CLVS1: variants seen among roughly 807,000 people sequenced by gnomAD.
CLVS1 encodes the protein clavesin 1, also known as clavesin-1.
A neutral mutation model predicts 33.1 loss-of-function variants in CLVS1; 10 were observed. The ratio of observed to expected loss-of-function variants is 0.30; its 90% CI spans 0.19 to 0.51. The LOEUF (loss-of-function observed/expected upper bound fraction) is 0.51, where lower values mean the gene tolerates loss of function less well. CLVS1 is among the 20% of genes least tolerant of loss of function. The pLI is 0.97. For synonymous variants in CLVS1, 163 were observed against 166.1 expected (o/e 0.98, Z 0.14); for missense variants, 343 against 433.4 (o/e 0.79, Z 1.85).
chr8:61,469,315 T>A (rs1465406193), intron 5 of CLVS1, among the ~76,000 whole-genome samples: 1 of 152,224 alleles, frequency 6.6e-6, no homozygotes, highest in Admixed American at 6.5e-5. Context: ...GAAGACCTAC[T>A]TCTGATTCTT....
chr8:61,488,984 C>A (rs989338199), intron 5 of CLVS1, among the ~76,000 whole-genome samples: 1 of 152,158 alleles, frequency 6.6e-6, no homozygotes, highest in African/African-American at 2.4e-5. Flanking sequence ...TGATGGATTG[C>A]AGTTCTTTAT....
the CLVS1 span, among the ~76,000 whole-genome samples, chr8:61,021,766 TTTG>T: frequency 6.6e-6 from 1 of 152,156 alleles, no homozygotes; most frequent in Non-Finnish European, 1.5e-5. Context: ...CATGTATAGG[TTTG>T]TTACATGGGT....
At chr8:61,202,874 A>T (rs1166112082) in intron 2 of CLVS1, 17 of 882,540 alleles carry the variant, frequency 1.9e-5, no homozygotes, top group East Asian at 4.8e-5. Context: ...GATGATGAAG[A>T]TGATGATGAT....
intron 3 of CLVS1, among the ~76,000 whole-genome samples, chr8:61,427,926 C>T (rs1815954624): frequency 6.6e-6 from 1 of 152,200 alleles, no homozygotes; most frequent in African/African-American, 2.4e-5. Flanking sequence ...CATCAATGTT[C>T]CTTCCTCCGC....
intron 2 of CLVS1, among the ~76,000 whole-genome samples, chr8:61,193,335 A>G (rs1053579638): frequency 6.6e-6 from 1 of 152,130 alleles, no homozygotes; most frequent in African/African-American, 2.4e-5. Flanking sequence ...ACACTTGGAC[A>G]CAGGAAGGGG....
At chr8:61,323,177 A>C (rs1811261412) in intron 2 of CLVS1, among the ~76,000 whole-genome samples, 1 of 152,136 alleles carries the variant, frequency 6.6e-6, no homozygotes, top group African/African-American at 2.4e-5. Flanking sequence ...AGTGTCATTT[A>C]AGTACTGAGC....
chr8:61,276,926 G>A (rs1809570926), intron 2 of CLVS1, among the ~76,000 whole-genome samples: 1 of 152,198 alleles, frequency 6.6e-6, no homozygotes, highest in African/African-American at 2.4e-5. Context: ...CACAGTGGCT[G>A]CTATTGTTCT....
intron 2 of CLVS1, among the ~76,000 whole-genome samples, chr8:61,138,643 T>G (rs1202581800): frequency 6.7e-6 from 1 of 149,826 alleles, no homozygotes; most frequent in Non-Finnish European, 1.5e-5. Context: ...GGTGGGGGGA[T>G]AGGGGTCCAG....
At chr8:61,339,949 G>A (rs1268748768) in intron 2 of CLVS1, among the ~76,000 whole-genome samples, 1 of 148,720 alleles carries the variant, frequency 6.7e-6, no homozygotes, top group African/African-American at 2.5e-5. Flanking sequence ...AAAGAGAGGG[G>A]TAAAGGGAGT....
intron 2 of CLVS1, among the ~76,000 whole-genome samples, chr8:61,216,484 G>A (rs535845374): frequency 5.3e-4 from 80 of 152,286 alleles, no homozygotes; most frequent in African/African-American, 1.8e-3. Flanking sequence ...CTGTTTCAGT[G>A]GCTAAGCTTT....
At chr8:61,467,811 T>G (rs1308557344) in intron 5 of CLVS1, among the ~76,000 whole-genome samples, 1 of 152,290 alleles carries the variant, frequency 6.6e-6, no homozygotes, top group Non-Finnish European at 1.5e-5. Context: ...TTATATAGAA[T>G]ACATTTTATT....
At chr8:61,440,739 G>C (rs1387506395) in intron 3 of CLVS1, among the ~76,000 whole-genome samples, 1 of 152,202 alleles carries the variant, frequency 6.6e-6, no homozygotes, top group African/African-American at 2.4e-5. Context: ...TTATCTTCTA[G>C]TGTGCTCTGA....
chr8:61,361,726 T>C (rs1480547263), intron 2 of CLVS1, among the ~76,000 whole-genome samples: 1 of 152,166 alleles, frequency 6.6e-6, no homozygotes, highest in Admixed American at 6.5e-5. Context: ...AACTATCCCA[T>C]GTGGAAACAG....
chr8:61,307,391 T>G (rs1422729518), intron 2 of CLVS1, among the ~76,000 whole-genome samples: 1 of 152,090 alleles, frequency 6.6e-6, no homozygotes, highest in Non-Finnish European at 1.5e-5. Flanking sequence ...ATTAGAGTCA[T>G]TGTAAGAAGG....
chr8:60,983,382 T>G, the CLVS1 span, among the ~76,000 whole-genome samples: 3 of 152,206 alleles, frequency 2.0e-5, no homozygotes, highest in African/African-American at 7.2e-5. Context: ...TTATGAGTAT[T>G]CGGGGCACTG....
At chr8:61,133,835 C>T (rs112583265) in intron 2 of CLVS1, among the ~76,000 whole-genome samples, 53 of 152,164 alleles carry the variant, frequency 3.5e-4, no homozygotes, top group Middle Eastern at 3.4e-3. Flanking sequence ...CAGGATCTCA[C>T]GGTTCCTGGG....
chr8:61,435,859 G>A (rs1816313142), intron 3 of CLVS1, among the ~76,000 whole-genome samples: 1 of 151,986 alleles, frequency 6.6e-6, no homozygotes. Flanking sequence ...CTCAGGATTG[G>A]CAAGTTTCAT....
chr8:61,492,629 C>T (rs972793722), intron 5 of CLVS1, among the ~76,000 whole-genome samples: 4 of 152,150 alleles, frequency 2.6e-5, no homozygotes, highest in African/African-American at 9.7e-5. Context: ...TAGGCAAGAG[C>T]TGGGAATTGA....
At chr8:61,120,849 A>T (rs1805845953) in intron 1 of CLVS1, among the ~76,000 whole-genome samples, 1 of 147,912 alleles carries the variant, frequency 6.8e-6, no homozygotes, top group Non-Finnish European at 1.5e-5. Context: ...CTGCCCCCAG[A>T]GGTGGAGCCT....
Sources: allele counts gnomAD v4.1 joint callset (sites outside exome capture counted in the v4.1 genomes callset), GRCh38; gene constraint gnomAD v4.1.1; transcripts MANE v1.5; gene names NCBI Gene and HGNC (gene_info 2026-07-23, HGNC 2026-07-21).